The following MSRA variants were observed in gnomAD, a reference collection of about 807,000 sequenced individuals.
MSRA encodes the protein methionine sulfoxide reductase A, also known as mitochondrial peptide methionine sulfoxide reductase.
MSRA carries 54 observed loss-of-function variants against 31.3 expected under a neutral mutation model. The observed-to-expected ratio is 1.73, with a 90% CI of 1.39 to 2.17. MSRA has a LOEUF of 2.17. Among genes scored for constraint, MSRA ranks in the 30% most tolerant of loss-of-function variants. The pLI is 0.00. For missense variants in MSRA, 507 were observed against 300.9 expected (o/e 1.69, Z -5.07); for synonymous variants, 169 against 116.5 (o/e 1.45, Z -2.90).
intron 2 of MSRA, among the ~76,000 whole-genome samples, chr8:10,212,941 C>T (rs549316746): frequency 6.6e-6 from 1 of 152,100 alleles, no homozygotes; most frequent in South Asian, 2.1e-4. Flanking sequence ...ATTTATGGGG[C>T]ATGTGAGATG....
At chr8:10,198,071 T>C (rs1808155156) in intron 1 of MSRA, among the ~76,000 whole-genome samples, 1 of 152,216 alleles carries the variant, frequency 6.6e-6, no homozygotes, top group African/African-American at 2.4e-5. Context: ...TTCCAAAATA[T>C]ACCCGATAGG....
At chr8:10,074,026 A>G (rs1245719613) in intron 1 of MSRA, among the ~76,000 whole-genome samples, 2 of 78,200 alleles carry the variant, frequency 2.6e-5, no homozygotes, top group South Asian at 4.4e-4. Flanking sequence ...TTTTAGTTAC[A>G]TAGTTCCATT....
intron 5 of MSRA, among the ~76,000 whole-genome samples, chr8:10,323,359 G>A (rs76043152): frequency 6.6e-6 from 1 of 152,118 alleles, no homozygotes; most frequent in Non-Finnish European, 1.5e-5. Flanking sequence ...TAGTTCTCTA[G>A]GGTACCAAGA....
rs1229158313 is a variant in MSRA at position 10,083,637 on chromosome 8, G to A, written c.142+28979G>A. Among the ~76,000 whole-genome samples, 3 of 152,104 alleles carry A rather than the reference G, an allele frequency of 2.0e-5. No individual in the cohort carries two copies. The East Asian group carries it at 5.8e-4, about 29-fold the overall frequency. On this transcript the variant is annotated intron_variant, in intron 1 of 5. Coordinates refer to ENST00000317173, the MANE Select transcript of MSRA (RefSeq NM_012331.5). The stretch of plus-strand genomic sequence containing the variant: ...GCAGTTCCAGATCATTTGTTTTTAA[G>A]TTTTTTAGTCTTTTAAACTATGCAG...
intron 5 of MSRA, among the ~76,000 whole-genome samples, chr8:10,369,698 T>C (rs949950989): frequency 1.3e-5 from 2 of 152,226 alleles, no homozygotes; most frequent in Non-Finnish European, 2.9e-5. Context: ...GGATAGGTAA[T>C]GTTCATTAAT....
chr8:10,394,038 A>T (rs1342427174), intron 5 of MSRA, among the ~76,000 whole-genome samples: 6 of 152,224 alleles, frequency 3.9e-5, no homozygotes. Flanking sequence ...AGACAACATG[A>T]CCAGTGTTAA....
At chr8:10,417,753 G>T (rs1476748100) in intron 5 of MSRA, among the ~76,000 whole-genome samples, 2 of 20,382 alleles carry the variant, frequency 9.8e-5, no homozygotes, top group African/African-American at 4.7e-4. Flanking sequence ...AAACCTGCAT[G>T]TTGTGTGTGT....
intron 3 of MSRA, among the ~76,000 whole-genome samples, chr8:10,268,139 A>T (rs754460332): frequency 6.6e-6 from 1 of 152,242 alleles, no homozygotes; most frequent in Non-Finnish European, 1.5e-5. Context: ...ACATATGAAG[A>T]TGAGCAGAGC....
At chr8:10,321,017 G>A (rs1802016995) in intron 5 of MSRA, among the ~76,000 whole-genome samples, 1 of 152,118 alleles carries the variant, frequency 6.6e-6, no homozygotes, top group Non-Finnish European at 1.5e-5. Flanking sequence ...AGGGAGACAC[G>A]ATTCAACCCA....
chr8:10,299,740 T>C (rs1380893480), intron 3 of MSRA, among the ~76,000 whole-genome samples: 1 of 152,164 alleles, frequency 6.6e-6, no homozygotes, highest in Non-Finnish European at 1.5e-5. Context: ...AAAAATGTTG[T>C]AATGGTGACT....
rs138961716 is a variant in MSRA at position 10,123,244 on chromosome 8, T to C, written c.142+68586T>C. On this transcript the variant is annotated intron_variant, in intron 1 of 5. Transcript: ENST00000317173. ...CTGACTGGTGTGAGATGGTATCTCA[T>C]TGTGGTTTTGATTTGCATTTCTCTA... Among the ~76,000 whole-genome samples the C allele has an allele frequency of 1.7e-3, 253 of 152,326 alleles. 2 individuals carry two copies. The Middle Eastern group carries it at 0.027, about 16-fold the overall frequency.
chr8:10,082,729 G>A (rs182536382), intron 1 of MSRA, among the ~76,000 whole-genome samples: 14 of 152,228 alleles, frequency 9.2e-5, no homozygotes, highest in African/African-American at 3.1e-4. Context: ...TCTCCATTCC[G>A]GTGTGCTGTG....
At chr8:10,154,157 T>C (rs2129038336) in intron 1 of MSRA, among the ~76,000 whole-genome samples, 1 of 152,334 alleles carries the variant, frequency 6.6e-6, no homozygotes, top group Non-Finnish European at 1.5e-5. Flanking sequence ...AGGCCTGATC[T>C]TGTTGAGGGA....
chr8:10,058,768 T>G (rs1413993656), intron 1 of MSRA, among the ~76,000 whole-genome samples: 1 of 152,248 alleles, frequency 6.6e-6, no homozygotes, highest in Admixed American at 6.5e-5. Context: ...TAGCAAAATT[T>G]TGGTGTTATC....
At chr8:10,372,998 T>TC (rs1805562440) in intron 5 of MSRA, among the ~76,000 whole-genome samples, 1 of 152,232 alleles carries the variant, frequency 6.6e-6, no homozygotes, top group South Asian at 2.1e-4. Flanking sequence ...CAAGAGATTC[T>TC]CCTGCCTCAG....
At chr8:10,251,861 T>TGGGG (rs386412047) in intron 3 of MSRA, among the ~76,000 whole-genome samples, 2 of 140,012 alleles carry the variant, frequency 1.4e-5, no homozygotes, top group African/African-American at 5.4e-5. Flanking sequence ...GTTGACATGG[T>TGGGG]GGGGGGGGGG....
intron 3 of MSRA, among the ~76,000 whole-genome samples, chr8:10,293,578 A>T (rs75755029): frequency 1.3e-5 from 2 of 152,150 alleles, no homozygotes; most frequent in African/African-American, 4.8e-5. Context: ...TGTGTTTTGG[A>T]TAGCACTGTG....
At chr8:10,061,782 A>G (rs557183524) in intron 1 of MSRA, among the ~76,000 whole-genome samples, 1 of 152,308 alleles carries the variant, frequency 6.6e-6, no homozygotes, top group South Asian at 2.1e-4. Flanking sequence ...TAGTGGTGAT[A>G]GATTTTGGCT....
chr8:10,399,399 C>A (rs1807301926), intron 5 of MSRA, among the ~76,000 whole-genome samples: 1 of 152,174 alleles, frequency 6.6e-6, no homozygotes, highest in Admixed American at 6.5e-5. Context: ...GGGGACAGAT[C>A]CCTCCTGAAT....
Sources: allele counts gnomAD v4.1 joint callset (sites outside exome capture counted in the v4.1 genomes callset), GRCh38; gene constraint gnomAD v4.1.1; transcripts MANE v1.5; gene names NCBI Gene and HGNC (gene_info 2026-07-23, HGNC 2026-07-21).